Variants in INVS observed in about 807,000 individuals in gnomAD.
INVS encodes inversin.
In INVS, 86 loss-of-function variants were observed where a neutral mutation model predicts 108.8. The ratio of observed to expected loss-of-function variants is 0.79; its 90% confidence interval spans 0.66 to 0.95. INVS has a LOEUF of 0.95. Among genes scored for constraint, INVS ranks in the 40% least tolerant of loss-of-function variants. INVS has a pLI of 0.00. For missense variants in INVS, 1,169 were observed against 1,297.4 expected, an observed-to-expected ratio of 0.90 and a Z score of 1.52; for synonymous variants, 455 against 473.5, an observed-to-expected ratio of 0.96 and a Z score of 0.51.
At chr9:100,170,680 A>T (rs1829509908) in intron 3 of INVS, among the ~76,000 whole-genome samples, 1 of 152,216 alleles carries the variant, frequency 6.6e-6, no homozygotes, top group African/African-American at 2.4e-5. Context: ...TGATCAGAAC[A>T]TACTTTCTAT....
chr9:100,151,428 A>G (rs1216763671), intron 3 of INVS, among the ~76,000 whole-genome samples: 1 of 152,124 alleles, frequency 6.6e-6, no homozygotes, highest in African/African-American at 2.4e-5. Context: ...GCAGTAAGCC[A>G]TAATCACACC....
chr9:100,197,641 C>T (rs922481143), intron 3 of INVS, among the ~76,000 whole-genome samples: 4 of 152,070 alleles, frequency 2.6e-5, no homozygotes, highest in Non-Finnish European at 4.4e-5. Flanking sequence ...GATTAACAAC[C>T]ATGTAGAAAT....
chr9:100,165,691 G>A (rs1829342134), intron 3 of INVS, among the ~76,000 whole-genome samples: 1 of 152,072 alleles, frequency 6.6e-6, no homozygotes, highest in Non-Finnish European at 1.5e-5. Context: ...ATCCATTGAA[G>A]TTATTATCCT....
At chr9:100,278,623 G>A (rs1833181235) in intron 12 of INVS, among the ~76,000 whole-genome samples, 1 of 152,052 alleles carries the variant, frequency 6.6e-6, no homozygotes. Context: ...CCCTACAAAG[G>A]GTCTAAAACC....
chr9:100,145,815 G>A (rs978785143), intron 3 of INVS, among the ~76,000 whole-genome samples: 1 of 152,092 alleles, frequency 6.6e-6, no homozygotes, highest in Admixed American at 6.5e-5. Flanking sequence ...TTGGGTCCAC[G>A]GATAAAACGC....
intron 2 of INVS, among the ~76,000 whole-genome samples, chr9:100,105,256 C>T (rs1196791880): frequency 6.6e-6 from 1 of 152,208 alleles, no homozygotes; most frequent in African/African-American, 2.4e-5. Flanking sequence ...TGTCTGATGA[C>T]ATCATGATTG....
chr9:100,161,910 A>G (rs925257224), intron 3 of INVS, among the ~76,000 whole-genome samples: 2 of 152,300 alleles, frequency 1.3e-5, no homozygotes, highest in South Asian at 2.1e-4. Context: ...ACCCCAGAAG[A>G]TAATTATCAA....
intron 7 of INVS, among the ~76,000 whole-genome samples, chr9:100,243,514 A>G (rs893233115): frequency 6.6e-6 from 1 of 152,146 alleles, no homozygotes; most frequent in Non-Finnish European, 1.5e-5. Context: ...ACTGAATAGT[A>G]TTCATAGTTC....
intron 16 of INVS, 52 bp downstream of exon 16, chr9:100,298,062 T>A: frequency 3.1e-6 from 5 of 1,613,530 alleles, no homozygotes; most frequent in Non-Finnish European, 4.2e-6. Context: ...GGGAAGCATT[T>A]TCCTTTGTTT....
At chr9:100,170,334 A>T (rs1588057512) in intron 3 of INVS, among the ~76,000 whole-genome samples, 2 of 151,714 alleles carry the variant, frequency 1.3e-5, no homozygotes, top group South Asian at 4.2e-4. Context: ...AGGCCAGAGG[A>T]TCAGTTGAGC....
At chr9:100,129,627 C>CA (rs750102927) in intron 3 of INVS, 8 of 625,718 alleles carry the variant, frequency 1.3e-5, no homozygotes, top group Middle Eastern at 2.6e-4. Flanking sequence ...ATTTGCCTGT[C>CA]AAAAAAATCT....
Position 100,229,647 on chromosome 9 carries a change from C to G in INVS, c.448-13C>G. On this transcript the variant is annotated splice_polypyrimidine_tract_variant and intron_variant, in intron 4 of 16. Coordinates refer to ENST00000262457, the MANE Select transcript of INVS (RefSeq NM_014425.5). The stretch of plus-strand genomic sequence containing the variant: ...GTTACTGTTGTTATTTCGAGAACCT[C>G]TCGATTTTGCAGCAAACAGCTCTGC... 6.2e-7 allele frequency: 1 copy of G among 1,613,514 alleles called. No individual in the cohort carries two copies. The highest frequency in any genetic ancestry group is 8.5e-7 in the Non-Finnish European group (1 of 1,179,580).
In INVS at chr9:100,139,688, G is replaced by A. The variant is rs938066641; in HGVS notation, c.273+13139G>A. 7.9e-5 allele frequency among the ~76,000 whole-genome samples: 12 copies of A among 152,130 alleles called. No individual in the cohort carries two copies. In the East Asian group the frequency reaches 2.3e-3, roughly 29 times the overall value. On this transcript the variant is annotated intron_variant, in intron 3 of 16. Transcript: ENST00000262457. ...GATAGAGTCTCACTTTGTCACCCAG[G>A]CTGGAGTGCAGTGGTGTGATCAGGG...
intron 2 of INVS, among the ~76,000 whole-genome samples, chr9:100,122,576 CTTT>C (rs1161036698): frequency 5.2e-5 from 3 of 57,532 alleles, no homozygotes; most frequent in African/African-American, 1.3e-4. Context: ...AAGTGAGTTT[CTTT>C]TTTTTTTTTT....
intron 3 of INVS, among the ~76,000 whole-genome samples, chr9:100,193,113 T>C (rs1830272595): frequency 6.6e-6 from 1 of 151,814 alleles, no homozygotes; most frequent in Non-Finnish European, 1.5e-5. Context: ...GAGTAGCTGG[T>C]ACTACAGGCA....
rs988274756 is a variant in INVS, at chr9:100,300,845, C to T, written c.*171C>T. ...AAAATGTCAGAATGTTTCCTTTCTG[C>T]TCTTACACAGCATTGTTTTGTCAAT... is the stretch of plus-strand genomic sequence containing the variant. On this transcript the variant is annotated 3_prime_UTR_variant, in exon 17 of 17. Coordinates refer to ENST00000262457, the MANE Select transcript of INVS (RefSeq NM_014425.5). The T allele has an allele frequency of 6.3e-5, 41 of 649,280 alleles. No individual in the cohort carries two copies. Among genetic ancestry groups the T allele is most frequent in the South Asian group, 1.6e-4 (9 of 56,488 alleles). The allele number at this position is 649,280 out of a possible 1,614,324, so 40.2% of individuals were successfully genotyped here. A position where few individuals can be genotyped will look rare whatever the true frequency, so the allele number is the denominator to read the frequency against.
At chr9:100,258,525 C>A (rs947653643) in intron 10 of INVS, among the ~76,000 whole-genome samples, 10 of 152,158 alleles carry the variant, frequency 6.6e-5, no homozygotes, top group Non-Finnish European at 1.5e-4. Flanking sequence ...ACTCTGGTTT[C>A]TCCCCATCTT....
intron 3 of INVS, among the ~76,000 whole-genome samples, chr9:100,162,671 G>A (rs1404168213): frequency 6.6e-6 from 1 of 152,044 alleles, no homozygotes; most frequent in Non-Finnish European, 1.5e-5. Flanking sequence ...CTTCCTGATT[G>A]CTATGTCATT....
intron 13 of INVS, among the ~76,000 whole-genome samples, 165 bp from the exon 14 acceptor site, chr9:100,292,161 C>T (rs1341537904): frequency 6.6e-6 from 1 of 152,180 alleles, no homozygotes; most frequent in Non-Finnish European, 1.5e-5. Flanking sequence ...GTTATCTAAC[C>T]TACCATATTG....
Sources: gnomAD v4.1 joint callset for allele counts (sites outside exome capture counted in the v4.1 genomes callset) on GRCh38, gnomAD v4.1.1 for gene constraint, MANE v1.5 for transcripts, NCBI Gene and HGNC (gene_info 2026-07-23, HGNC 2026-07-21) for gene names.